Variants in SCAND3 observed in about 807,000 individuals in gnomAD.
SCAND3 encodes SCAN domain containing 3.
At chr6:28,574,886 C>T in the SCAND3 span, 1 of 1,613,994 alleles carries the variant, frequency 6.2e-7, no homozygotes, top group Non-Finnish European at 8.5e-7. Context: ...CATTCTTTTT[C>T]ACAAACTACA....
chr6:28,579,489 C>T, the SCAND3 span: 17 of 1,346,408 alleles, frequency 1.3e-5, no homozygotes, highest in Non-Finnish European at 1.8e-5. This position sits in a 1 kb window ranked among gnomAD's most constrained non-coding sequence, Gnocchi z 4.5. Context: ...AACTTGTATT[C>T]TTCCACTAAA....
the SCAND3 span, among the ~76,000 whole-genome samples, chr6:28,578,915 G>T: frequency 2.0e-5 from 3 of 152,096 alleles, no homozygotes; most frequent in African/African-American, 4.8e-5. Context: ...TATTTCCAAT[G>T]TATACACAGT....
chr6:28,578,033 T>C, the SCAND3 span, among the ~76,000 whole-genome samples: 1 of 152,332 alleles, frequency 6.6e-6, no homozygotes, highest in Middle Eastern at 3.4e-3. Flanking sequence ...GGACCAATTC[T>C]CCTTGCTTGA....
the SCAND3 span, chr6:28,590,329 A>C: frequency 2.0e-5 from 3 of 152,422 alleles, no homozygotes; most frequent in East Asian, 5.8e-4. Context: ...ACTCGGTCCG[A>C]AGCATCCGGG....
chr6:28,589,000 GAC>G, the SCAND3 span, among the ~76,000 whole-genome samples: 1 of 152,184 alleles, frequency 6.6e-6, no homozygotes, highest in Non-Finnish European at 1.5e-5. This position sits in a 1 kb window ranked among gnomAD's most constrained non-coding sequence, Gnocchi z 4.1. Flanking sequence ...AATTAGTTAA[GAC>G]AGCTTCCTCT....
the SCAND3 span, among the ~76,000 whole-genome samples, chr6:28,574,091 C>A: frequency 6.6e-6 from 1 of 152,096 alleles, no homozygotes; most frequent in Non-Finnish European, 1.5e-5. Context: ...ATGTGACTCA[C>A]CTTGAGAGTT....
chr6:28,572,603 C>T, the SCAND3 span: 4 of 1,614,074 alleles, frequency 2.5e-6, no homozygotes, highest in South Asian at 2.2e-5. The surrounding 1 kb of genome is among the most constrained non-coding windows in gnomAD (Gnocchi z 4.1). Flanking sequence ...GTCCAATTCA[C>T]ATCTTTAAAA....
chr6:28,608,448 A>G, the SCAND3 span, among the ~76,000 whole-genome samples: 1 of 152,106 alleles, frequency 6.6e-6, no homozygotes, highest in African/African-American at 2.4e-5. Flanking sequence ...TCCCCAACAC[A>G]TGTTGAACTC....
the SCAND3 span, among the ~76,000 whole-genome samples, chr6:28,601,291 C>G: frequency 6.6e-6 from 1 of 152,036 alleles, no homozygotes; most frequent in Non-Finnish European, 1.5e-5. Flanking sequence ...TTAGAAGTAG[C>G]TTAAAATACT....
the SCAND3 span, among the ~76,000 whole-genome samples, chr6:28,598,841 C>A: frequency 7.3e-6 from 1 of 137,878 alleles, no homozygotes; most frequent in African/African-American, 2.8e-5. Context: ...CACACCACTG[C>A]ACTCCAGCCT....
At chr6:28,584,020 T>C in the SCAND3 span, among the ~76,000 whole-genome samples, 5 of 152,298 alleles carry the variant, frequency 3.3e-5, no homozygotes, top group East Asian at 9.6e-4. Context: ...TCAGGGAGAA[T>C]TGTATATCAC....
chr6:28,575,258 T>A, the SCAND3 span: 3 of 1,613,974 alleles, frequency 1.9e-6, no homozygotes, highest in Non-Finnish European at 1.7e-6. The surrounding 1 kb of genome is among the most constrained non-coding windows in gnomAD (Gnocchi z 4.2). Flanking sequence ...CAGGAGAAAA[T>A]CCTCTTTCGG....
chr6:28,573,810 T>A, the SCAND3 span: 17 of 1,531,066 alleles, frequency 1.1e-5, no homozygotes, highest in South Asian at 1.9e-4. Context: ...AAAAGTCCAG[T>A]GAAGCTTGTT....
At chr6:28,593,814 C>T in the SCAND3 span, among the ~76,000 whole-genome samples, 4 of 152,144 alleles carry the variant, frequency 2.6e-5, no homozygotes, top group Non-Finnish European at 5.9e-5. Flanking sequence ...AAGTGATCCC[C>T]TTGCCTCGGC....
the SCAND3 span, among the ~76,000 whole-genome samples, chr6:28,592,837 G>T: frequency 6.6e-6 from 1 of 152,098 alleles, no homozygotes; most frequent in East Asian, 1.9e-4. The surrounding 1 kb of genome is among the most constrained non-coding windows in gnomAD (Gnocchi z 4.1). Flanking sequence ...TTAATAAATG[G>T]TGATGGGAAA....
chr6:28,575,560 A>G, the SCAND3 span: 1 of 1,613,992 alleles, frequency 6.2e-7, no homozygotes. This position sits in a 1 kb window ranked among gnomAD's most constrained non-coding sequence, Gnocchi z 4.2. Flanking sequence ...ATTCAACTGC[A>G]TGTCTATAAG....
chr6:28,584,327 A>G, the SCAND3 span, among the ~76,000 whole-genome samples: 1 of 152,072 alleles, frequency 6.6e-6, no homozygotes, highest in Admixed American at 6.6e-5. Flanking sequence ...TGAGAATTAT[A>G]AGAATTTTAA....
the SCAND3 span, among the ~76,000 whole-genome samples, chr6:28,599,542 C>G: frequency 6.6e-6 from 1 of 152,172 alleles, no homozygotes; most frequent in African/African-American, 2.4e-5. Flanking sequence ...CTTCTCCATG[C>G]TGTTCTCATG....
chr6:28,595,927 A>T, the SCAND3 span, among the ~76,000 whole-genome samples: 1 of 152,320 alleles, frequency 6.6e-6, no homozygotes, highest in Admixed American at 6.5e-5. Flanking sequence ...TTCTTCATTC[A>T]TAACACACAC....
Sources: allele counts gnomAD v4.1 joint callset (sites outside exome capture counted in the v4.1 genomes callset), GRCh38; gene constraint gnomAD v4.1.1; non-coding constraint Gnocchi (gnomAD v3.1); transcripts MANE v1.5; gene names NCBI Gene and HGNC (gene_info 2026-07-23, HGNC 2026-07-21).